ACSL4: variants seen among roughly 807,000 people sequenced by gnomAD.
ACSL4 encodes acyl-CoA synthetase long chain family member 4, also known as long-chain-fatty-acid--CoA ligase 4.
A neutral mutation model predicts 49.1 loss-of-function variants in ACSL4; 9 were observed. The ratio of observed to expected loss-of-function variants is 0.18; its 90% confidence interval spans 0.11 to 0.32. ACSL4 has a LOEUF of 0.32. Ranked by LOEUF, ACSL4 falls within the 10% of genes least tolerant of loss-of-function variation. The pLI, the probability that ACSL4 is intolerant of heterozygous loss-of-function variation, is 1.00. For synonymous variants in ACSL4, 191 were observed against 170.3 expected (o/e 1.12, Z -0.95); for missense variants, 333 against 493.7 (o/e 0.67, Z 3.08).
intron 1 of ACSL4, among the ~76,000 whole-genome samples, chrX:109,709,727 C>G (rs892313630): frequency 1.5e-4 from 17 of 112,671 alleles, no homozygotes; most frequent in Admixed American, 5.6e-4. Context: ...AGGGAAATCT[C>G]TCTGTCACTG....
chrX:109,678,223 T>C, intron 7 of ACSL4, 42 bp downstream of exon 7: 1 of 1,209,278 alleles, frequency 8.3e-7, no homozygotes. Context: ...ATGCTGAACA[T>C]GAACTCTGAT....
intron 13 of ACSL4, among the ~76,000 whole-genome samples, chrX:109,662,179 A>C (rs985816585): frequency 9.0e-6 from 1 of 111,511 alleles, no homozygotes; most frequent in African/African-American, 3.3e-5. Context: ...TTAAAATGAC[A>C]GTTCTCTAAG....
intron 1 of ACSL4, among the ~76,000 whole-genome samples, chrX:109,726,530 G>A (rs191831617): frequency 9.8e-5 from 11 of 112,443 alleles, no homozygotes; most frequent in South Asian, 3.6e-4. Context: ...GCACGCTGGA[G>A]TACTGGAGAT....
intron 1 of ACSL4, among the ~76,000 whole-genome samples, chrX:109,706,132 C>T (rs1926338449): frequency 8.9e-6 from 1 of 112,638 alleles, no homozygotes; most frequent in African/African-American, 3.2e-5. Context: ...TTCATCTACT[C>T]TTTACCTTCT....
At position 109,697,720 on chromosome X, in the gene ACSL4, G is replaced by C. The variant is rs754865786; in HGVS notation, c.-65-1524C>G. ...CATTTGCTATTGACATGGGGGGGGG[G>C]GCGCGGGGAACTTGCATATAGATAT... On this transcript the variant is annotated intron_variant, in intron 1 of 15. Coordinates refer to ENST00000672401, the MANE Select transcript of ACSL4 (RefSeq NM_001318510.2). Among the ~76,000 whole-genome samples, 99 of 94,543 alleles carry C rather than the reference G, an allele frequency of 1.0e-3. 2 individuals are homozygous for C. The highest frequency in any genetic ancestry group is 3.4e-3 in the African/African-American group (90 of 26,522). 82.1% of individuals were successfully genotyped at this position (94,543 alleles called of 115,157 possible).
At chrX:109,685,165 T>C (rs1924505877) in intron 2 of ACSL4, among the ~76,000 whole-genome samples, 1 of 100,222 alleles carries the variant, frequency 1.0e-5, no homozygotes. Context: ...TGATCTCAGC[T>C]CACTGCAACC....
intron 12 of ACSL4, among the ~76,000 whole-genome samples, chrX:109,664,473 C>T (rs181715844): frequency 9.0e-6 from 1 of 111,439 alleles, no homozygotes; most frequent in East Asian, 2.8e-4. Flanking sequence ...ATGCCATTAC[C>T]ATGGAAAAAG....
rs768577722 is a variant in ACSL4 at position 109,659,484 on chromosome X, C to T, written c.1725G>A (p.Val575=). ...KSDQSYVISF[V]VPNQKRLTLL... The stretch of plus-strand genomic sequence containing the variant: ...GTGTCAACCTTTTCTGGTTAGGAAC[C>T]ACAAAACTGATCACATAGGACTGAT... The change falls in exon 15 of 16, where the codon GTG becomes GTA. Residue 575 remains valine (V), a synonymous_variant. Coordinates refer to ENST00000672401, the MANE Select transcript of ACSL4 (RefSeq NM_001318510.2). The T allele has an allele frequency of 8.3e-7, 1 of 1,202,660 alleles. No individual in the cohort carries two copies. Among genetic ancestry groups the T allele is most frequent in the Non-Finnish European group, 1.1e-6 (1 of 887,960 alleles).
At chrX:109,652,846 C>T (rs2147371373) in intron 15 of ACSL4, among the ~76,000 whole-genome samples, 1 of 111,050 alleles carries the variant, frequency 9.0e-6, no homozygotes, top group South Asian at 3.7e-4. Flanking sequence ...ACATGTCACA[C>T]TGTTTTTATA....
In ACSL4 at chrX:109,644,200, T is replaced by C. The variant is rs757571966; in HGVS notation, c.1856-14A>G. On this transcript the variant is annotated splice_polypyrimidine_tract_variant and intron_variant, in intron 15 of 15. Coordinates refer to ENST00000672401, the MANE Select transcript of ACSL4 (RefSeq NM_001318510.2). Reference sequence around the variant, plus strand: ...GCTCCAATTTCACTGAAATTAGAAGTGAAAGATGGGAGAAAAGGAGAGGGG... The same window carrying C: ...GCTCCAATTTCACTGAAATTAGAAGCGAAAGATGGGAGAAAAGGAGAGGGG... 8.4e-7 allele frequency: 1 copy of C among 1,187,356 alleles called. No individual in the cohort carries two copies. The highest frequency in any genetic ancestry group is 1.8e-5 in the South Asian group (1 of 54,342).
chrX:109,660,236 A>G (rs914260060), intron 14 of ACSL4, among the ~76,000 whole-genome samples: 1 of 111,772 alleles, frequency 8.9e-6, no homozygotes, highest in African/African-American at 3.2e-5. Flanking sequence ...TCCACAACTC[A>G]GTAACAAAAA....
chrX:109,719,113 T>C (rs1927353111), intron 1 of ACSL4, among the ~76,000 whole-genome samples: 1 of 107,846 alleles, frequency 9.3e-6, no homozygotes, highest in Non-Finnish European at 2.0e-5. Flanking sequence ...CAAAAAACTG[T>C]GGTCTTTAGG....
intron 9 of ACSL4, among the ~76,000 whole-genome samples, chrX:109,671,316 C>T (rs1019105313): frequency 3.6e-5 from 4 of 111,542 alleles, no homozygotes; most frequent in Non-Finnish European, 5.7e-5. Context: ...GCCCCGCCGC[C>T]GCCCCGTCTG....
At chrX:109,690,169 T>G (rs1238177529) in intron 2 of ACSL4, among the ~76,000 whole-genome samples, 2 of 112,237 alleles carry the variant, frequency 1.8e-5, no homozygotes, top group Non-Finnish European at 3.8e-5. Flanking sequence ...AAAAGATTGG[T>G]GTTATAAAAG....
rs1026284648 is a variant in ACSL4 at position 109,725,391 on chromosome X, A to G, written c.-66+7748T>C. ...ACCATGCCAGCCTCAAACTTTCTAT[A>G]TGGGGCCAAGAGGCCAAGACCTTTT... On this transcript the variant is annotated intron_variant, in intron 1 of 15. Transcript: ENST00000672401. Among the ~76,000 whole-genome samples, 14 of 110,652 alleles carry G rather than the reference A, an allele frequency of 1.3e-4. 3 individuals are homozygous for G. The South Asian group carries it at 1.5e-3, about 12-fold the overall frequency.
At chrX:109,694,086 G>A (rs1569433269) in intron 2 of ACSL4, among the ~76,000 whole-genome samples, 1 of 112,133 alleles carries the variant, frequency 8.9e-6, no homozygotes, top group Non-Finnish European at 1.9e-5. Flanking sequence ...ACTGGGTAGC[G>A]TGTAACACCT....
Position 109,681,049 on chromosome X carries a change from C to A in ACSL4, c.604G>T (p.Glu202Ter). ...INKAEYPEGFEIHSMQSVEEL... is the reference protein window; with the variant it reads ...INKAEYPEGF Reference sequence around the variant, plus strand: ...TCTACTGATTGCATGCTGTGAATCTCAAATCCTTCAGGGTACTCTGCTTTA... The same window carrying A: ...TCTACTGATTGCATGCTGTGAATCTAAAATCCTTCAGGGTACTCTGCTTTA... The change falls in exon 6 of 16, where the codon GAG (glutamate) becomes TAG (stop). Residue 202 changes from glutamate (E) to a stop codon, truncating the protein, a stop_gained. Transcript: ENST00000672401. LOFTEE classifies it high-confidence loss of function. 8.3e-7 allele frequency: 1 copy of A among 1,210,489 alleles called. No homozygotes were observed. The highest frequency in any genetic ancestry group is 1.8e-5 in the South Asian group (1 of 56,859).
intron 9 of ACSL4, among the ~76,000 whole-genome samples, chrX:109,673,481 C>CA (rs1923437594): frequency 8.9e-6 from 1 of 112,391 alleles, no homozygotes; most frequent in African/African-American, 3.2e-5. Context: ...TGGTTTTAGT[C>CA]AGATGCCTCT....
chrX:109,702,464 TAGC>T (rs770711617), intron 1 of ACSL4, among the ~76,000 whole-genome samples: 16 of 112,363 alleles, frequency 1.4e-4, no homozygotes, highest in Non-Finnish European at 2.6e-4. Flanking sequence ...GATTTATATC[TAGC>T]AGAACTGCTG....
Sources: gnomAD v4.1 joint callset for allele counts (sites outside exome capture counted in the v4.1 genomes callset) on GRCh38, gnomAD v4.1.1 for gene constraint, MANE v1.5 for transcripts, NCBI Gene and HGNC (gene_info 2026-07-23, HGNC 2026-07-21) for gene names.